The following PIK3CA variants were observed in gnomAD, a reference collection of about 807,000 sequenced individuals.
PIK3CA encodes the protein phosphatidylinositol 4,5-bisphosphate 3-kinase catalytic subunit alpha isoform.
A neutral mutation model predicts 138.2 loss-of-function variants in PIK3CA; 27 were observed. The ratio of observed to expected loss-of-function variants is 0.20; its 90% CI spans 0.14 to 0.27. The LOEUF (loss-of-function observed/expected upper bound fraction) is 0.27. PIK3CA is among the 10% of genes least tolerant of loss of function. PIK3CA has a pLI of 1.00. For missense variants in PIK3CA, 544 were observed against 1,277.4 expected (o/e 0.43, Z 8.75); for synonymous variants, 358 against 413.2 (o/e 0.87, Z 1.62).
At position 179,214,752 on chromosome 3, in the gene PIK3CA, G is replaced by T. The variant is rs141659633; in HGVS notation, c.1540-3458G>T. On this transcript the variant is annotated intron_variant, in intron 9 of 20. Transcript: ENST00000263967. ...ATAAAGCAAAGCACAATAATACAGG[G>T]TACACCTGCACAAATATATTGTTAG... 5.4e-4 allele frequency among the ~76,000 whole-genome samples: 77 copies of T among 142,252 alleles called. 1 individual carries two copies. In the East Asian group the frequency reaches 0.012, roughly 22 times the overall value. 93.3% of individuals were successfully genotyped at this position (142,252 alleles called of 152,430 possible).
intron 1 of PIK3CA, among the ~76,000 whole-genome samples, chr3:179,168,045 C>A (rs1257683076): frequency 6.6e-6 from 1 of 152,126 alleles, no homozygotes. Context: ...ATATTACTTT[C>A]TGTAATTAAA....
intron 17 of PIK3CA, among the ~76,000 whole-genome samples, chr3:179,228,007 A>G (rs943618143): frequency 6.6e-6 from 1 of 152,110 alleles, no homozygotes; most frequent in Non-Finnish European, 1.5e-5. Flanking sequence ...TTAAATAACT[A>G]GTAGGCAAGC....
rs1470182921 is a variant in PIK3CA at position 179,201,456 on chromosome 3, T to C, written c.729T>C (p.Val243=). The C allele has an allele frequency of 6.2e-7, 1 of 1,613,732 alleles. No individual in the cohort carries two copies. The highest frequency in any genetic ancestry group is 1.7e-5 in the Admixed American group (1 of 60,016). Residue 243 remains valine, a synonymous_variant, in exon 4 of 21, where the codon GTT becomes GTC. Coordinates refer to ENST00000263967, the MANE Select transcript of PIK3CA (RefSeq NM_006218.4). ...CCTCTGAACAACTAAAACTCTGTGT[T>C]TTAGAATATCAGGGCAAGTATATTT... ...LLSSEQLKLC[V]LEYQGKYILK...
chr3:179,152,249 T>TAC (rs1203674081), intron 1 of PIK3CA, among the ~76,000 whole-genome samples: 1 of 152,186 alleles, frequency 6.6e-6, no homozygotes, highest in Admixed American at 6.5e-5. Flanking sequence ...CTCAGACATA[T>TAC]ACACACACAC....
At chr3:179,171,063 T>C (rs188569102) in intron 1 of PIK3CA, among the ~76,000 whole-genome samples, 12 of 152,234 alleles carry the variant, frequency 7.9e-5, no homozygotes, top group African/African-American at 2.4e-4. Flanking sequence ...AATGTTTTAA[T>C]AAATATGGAA....
chr3:179,210,198 T>C lies in PIK3CA; in HGVS notation c.1264T>C (p.Leu422=), dbSNP rs781513842. ...RKGAKEEHCP[L]AWGNINLFDY... ...TTTGTTTTTTAAGGAACACTGTCCA[T>C]TGGCATGGGGAAATATAAACTTGTT... The change falls in exon 8 of 21, where the codon TTG becomes CTG. Residue 422 remains leucine, a synonymous_variant. Coordinates refer to ENST00000263967, the MANE Select transcript of PIK3CA (RefSeq NM_006218.4). 8 of 1,583,364 alleles carry C rather than the reference T, an allele frequency of 5.1e-6. No homozygotes were observed. The South Asian group carries it at 9.5e-5, about 19-fold the overall frequency.
intron 15 of PIK3CA, among the ~76,000 whole-genome samples, chr3:179,224,480 T>C (rs1477451693): frequency 1.1e-5 from 1 of 89,448 alleles, no homozygotes; most frequent in South Asian, 2.6e-4. Flanking sequence ...GATATATCTC[T>C]ATATATTTGT....
In PIK3CA at chr3:179,237,662, A is replaced by T. The variant is rs1725357652; in HGVS notation, c.*3298A>T. On this transcript the variant is annotated 3_prime_UTR_variant, in exon 21 of 21. Transcript: ENST00000263967. ...AATCGAGTGATTTGGAATTATAAAAAAATTGTGAGCAGCCTATTTGAAAGG... is the reference window on the plus strand; with the variant it reads ...AATCGAGTGATTTGGAATTATAAAATAATTGTGAGCAGCCTATTTGAAAGG... 9.6e-6 allele frequency: 2 copies of T among 209,274 alleles called. No individual in the cohort carries two copies. The highest frequency in any genetic ancestry group is 3.8e-4 in the South Asian group (2 of 5,324). 13.0% of individuals were successfully genotyped at this position (209,274 alleles called of 1,614,324 possible).
chr3:179,199,597 T>C (rs1227415279), intron 2 of PIK3CA, 93 bp from the exon 3 acceptor site: 1 of 894,986 alleles, frequency 1.1e-6, no homozygotes, highest in East Asian at 2.6e-5. Context: ...TATTGTGATC[T>C]TCCAAATCTA....
At chr3:179,211,563 AG>A (rs1724712093) in intron 9 of PIK3CA, among the ~76,000 whole-genome samples, 1 of 152,158 alleles carries the variant, frequency 6.6e-6, no homozygotes, top group Non-Finnish European at 1.5e-5. Context: ...GCTACTCGGG[AG>A]GCTAAGTTAG....
rs1450809547 is a variant in PIK3CA, at chr3:179,236,725, C to T, written c.*2361C>T. 4.5e-6 allele frequency: 1 copy of T among 222,958 alleles called. No individual in the cohort carries two copies. Among genetic ancestry groups the T allele is most frequent in the Non-Finnish European group, 9.1e-6 (1 of 110,400 alleles). 13.8% of individuals were successfully genotyped at this position (222,958 alleles called of 1,614,324 possible). The stretch of plus-strand genomic sequence containing the variant: ...CATTTACATTTATTTTCAAAAGTTA[C>T]TACAACCAAATTAATTCTATTAGAA... On this transcript the variant is annotated 3_prime_UTR_variant, in exon 21 of 21. Transcript: ENST00000263967.
intron 1 of PIK3CA, among the ~76,000 whole-genome samples, chr3:179,187,047 T>C (rs557248412): frequency 1.3e-5 from 2 of 152,268 alleles, no homozygotes; most frequent in South Asian, 4.1e-4. Flanking sequence ...TGTTTTTTTT[T>C]TCCTAATTTA....
At position 179,219,066 on chromosome 3, in the gene PIK3CA, G is replaced by GA; in HGVS notation, c.1665-128dup. 1 of 555,542 alleles carries GA rather than the reference G, an allele frequency of 1.8e-6. No individual in the cohort carries two copies. The highest frequency in any genetic ancestry group is 2.9e-5 in the East Asian group (1 of 34,172). 34.4% of individuals were successfully genotyped at this position (555,542 alleles called of 1,614,324 possible). On this transcript the variant is annotated intron_variant, in intron 10 of 20. Coordinates refer to ENST00000263967, the MANE Select transcript of PIK3CA (RefSeq NM_006218.4). This position sits in a 1 kb window ranked among gnomAD's most constrained non-coding sequence, Gnocchi z 4.2. Reference sequence around the variant, plus strand: ...ATAGTGTTAAACACTGATGTCTTTTGAATTTTAAAAAAGCTAGTAATGTAA... The same window carrying GA: ...ATAGTGTTAAACACTGATGTCTTTTGAAATTTTAAAAAAGCTAGTAATGTAA...
intron 20 of PIK3CA, chr3:179,233,428 T>G: frequency 2.5e-6 from 1 of 396,994 alleles, no homozygotes; most frequent in Non-Finnish European, 4.4e-6. Context: ...TTTTTTTTTT[T>G]TGTATTTATT....
chr3:179,167,547 G>A (rs1425749359), intron 1 of PIK3CA, among the ~76,000 whole-genome samples: 1 of 151,922 alleles, frequency 6.6e-6, no homozygotes, highest in East Asian at 1.9e-4. Flanking sequence ...AAATTGTCAA[G>A]TATTGATAAC....
At chr3:179,183,307 G>T (rs1723895437) in intron 1 of PIK3CA, among the ~76,000 whole-genome samples, 2 of 152,036 alleles carry the variant, frequency 1.3e-5, no homozygotes, top group South Asian at 2.1e-4. Context: ...AAAAAGCATT[G>T]TTATTTAAAT....
In PIK3CA at chr3:179,234,040, A is replaced by T. The variant is rs2108428774; in HGVS notation, c.2937-54A>T. The T allele has an allele frequency of 7.5e-7, 1 of 1,326,412 alleles. No homozygotes were observed. The highest frequency in any genetic ancestry group is 1.0e-6 in the Non-Finnish European group (1 of 956,882). 82.2% of individuals were successfully genotyped at this position (1,326,412 alleles called of 1,614,324 possible). ...TTTGTGACATTTGAGCAAAGACCTG[A>T]AGGTATTAACATCATTTGCTCCAAA... On this transcript the variant is annotated intron_variant, in intron 20 of 20. Transcript: ENST00000263967. The surrounding 1 kb of genome is among the most constrained non-coding windows in gnomAD (Gnocchi z 5.1).
At chr3:179,169,558 G>A (rs147899484) in intron 1 of PIK3CA, among the ~76,000 whole-genome samples, 7 of 152,078 alleles carry the variant, frequency 4.6e-5, no homozygotes, top group African/African-American at 7.2e-5. Flanking sequence ...TACCAGGACC[G>A]TCTATTAAAT....
chr3:179,225,947 T>C lies in PIK3CA; in HGVS notation c.2417-15T>C, dbSNP rs201818420. On this transcript the variant is annotated splice_polypyrimidine_tract_variant and intron_variant, in intron 16 of 20. Transcript: ENST00000263967. ...CTGTGGCATTAAATGGTGATACATA[T>C]TATTTGAATTTCAGATTTACGGCAA... 26 of 1,350,640 alleles carry C rather than the reference T, an allele frequency of 1.9e-5. No homozygotes were observed. The highest frequency in any genetic ancestry group is 2.4e-5 in the Non-Finnish European group (23 of 944,902). 83.7% of individuals were successfully genotyped at this position (1,350,640 alleles called of 1,614,324 possible). A position where few individuals can be genotyped will look rare whatever the true frequency, so the allele number is the denominator to read the frequency against.
Sources: gnomAD v4.1 joint callset for allele counts (sites outside exome capture counted in the v4.1 genomes callset) on GRCh38, gnomAD v4.1.1 for gene constraint, Gnocchi (gnomAD v3.1) non-coding constraint, MANE v1.5 for transcripts, NCBI Gene and HGNC (gene_info 2026-07-23, HGNC 2026-07-21) for gene names.